The following RNGTT variants were observed in gnomAD, a reference collection of about 807,000 sequenced individuals.
The protein encoded by RNGTT is RNA guanylyltransferase and 5'-phosphatase, also known as mRNA-capping enzyme.
A neutral mutation model predicts 79.3 loss-of-function variants in RNGTT; 33 were observed. The ratio of observed to expected loss-of-function variants is 0.42; its 90% CI spans 0.32 to 0.56. The LOEUF (loss-of-function observed/expected upper bound fraction) is 0.56. Among genes scored for constraint, RNGTT ranks in the 20% least tolerant of loss-of-function variants. The pLI, the probability that RNGTT is intolerant of heterozygous loss-of-function variation, is 0.17. For missense variants in RNGTT, 497 were observed against 739.1 expected (o/e 0.67, Z 3.80); for synonymous variants, 222 against 235.9 (o/e 0.94, Z 0.54).
chr6:88,707,747 A>G (rs925780541), intron 13 of RNGTT, among the ~76,000 whole-genome samples: 1 of 149,510 alleles, frequency 6.7e-6, no homozygotes, highest in African/African-American at 2.5e-5. Flanking sequence ...AAAAAGGCAA[A>G]CTGTAAAAAA....
intron 1 of RNGTT, among the ~76,000 whole-genome samples, chr6:88,959,931 A>G (rs1041605891): frequency 2.6e-5 from 4 of 152,306 alleles, no homozygotes; most frequent in African/African-American, 7.2e-5. Context: ...ATCCTATCCT[A>G]ACAGAAACTT....
At chr6:88,912,395 T>G (rs1465231162) in intron 4 of RNGTT, among the ~76,000 whole-genome samples, 1 of 151,810 alleles carries the variant, frequency 6.6e-6, no homozygotes, top group Non-Finnish European at 1.5e-5. Context: ...GCTGACAGAG[T>G]GAGACCCTGC....
chr6:88,696,981 C>T (rs1775698345), intron 13 of RNGTT, among the ~76,000 whole-genome samples: 1 of 152,096 alleles, frequency 6.6e-6, no homozygotes, highest in South Asian at 2.1e-4. Context: ...CCAATAATAG[C>T]TATGATCAAT....
intron 6 of RNGTT, among the ~76,000 whole-genome samples, chr6:88,903,926 T>A (rs550274833): frequency 1.5e-3 from 233 of 152,310 alleles, no homozygotes; most frequent in Middle Eastern, 6.8e-3. Flanking sequence ...CTCCTCATAT[T>A]TATGGTTAGC....
chr6:88,785,969 T>G (rs1278883845), intron 12 of RNGTT, among the ~76,000 whole-genome samples: 1 of 152,078 alleles, frequency 6.6e-6, no homozygotes, highest in East Asian at 1.9e-4. Context: ...GATGAAAACA[T>G]TAAAAAACAA....
At chr6:88,873,332 A>T (rs1005147057) in intron 8 of RNGTT, among the ~76,000 whole-genome samples, 5 of 152,210 alleles carry the variant, frequency 3.3e-5, no homozygotes, top group Admixed American at 2.0e-4. Context: ...TATGCTTTTA[A>T]CTAGTATTCT....
At chr6:88,771,315 G>GTGTGTATA (rs1303688973) in intron 12 of RNGTT, among the ~76,000 whole-genome samples, 1,001 of 61,718 alleles carry the variant, frequency 0.016, 8 homozygotes, top group African/African-American at 0.018. Context: ...GTGTGTGTGT[G>GTGTGTATA]TATATATATA....
Position 88,841,232 on chromosome 6 carries a change from G to A in RNGTT, c.1269+3125C>T, listed in dbSNP as rs73498439. 3.9e-3 allele frequency among the ~76,000 whole-genome samples: 596 copies of A among 152,216 alleles called. 4 individuals carry two copies. The highest frequency in any genetic ancestry group is 0.014 in the African/African-American group (573 of 41,534). ...CACAAAAGGCAAGCAGTGAACAGTC[G>A]AAAGATCATAGCGGCAGAGGTCAAC... On this transcript the variant is annotated intron_variant, in intron 11 of 15. Transcript: ENST00000369485.
chr6:88,697,936 T>C (rs1362641654), intron 13 of RNGTT, among the ~76,000 whole-genome samples: 1 of 120,216 alleles, frequency 8.3e-6, no homozygotes, highest in Non-Finnish European at 1.6e-5. Flanking sequence ...ATGATATATA[T>C]ATGAAATACA....
chr6:88,792,662 T>G (rs897538080), intron 12 of RNGTT, among the ~76,000 whole-genome samples: 16 of 152,178 alleles, frequency 1.1e-4, no homozygotes, highest in African/African-American at 3.6e-4. Flanking sequence ...AGTACAGGTT[T>G]AATCTGGGGC....
At chr6:88,898,690 A>G (rs1344861947) in intron 6 of RNGTT, among the ~76,000 whole-genome samples, 2 of 150,346 alleles carry the variant, frequency 1.3e-5, no homozygotes, top group African/African-American at 4.9e-5. Context: ...TATATATTAT[A>G]TATATGTATC....
At chr6:88,655,164 A>G (rs1773929768) in intron 14 of RNGTT, among the ~76,000 whole-genome samples, 5 of 152,224 alleles carry the variant, frequency 3.3e-5, no homozygotes. Context: ...TAGGTTTCCT[A>G]GCATATTTCA....
chr6:88,941,338 G>A (rs1454696009), intron 1 of RNGTT, among the ~76,000 whole-genome samples, 158 bp from the exon 2 acceptor site: 1 of 152,118 alleles, frequency 6.6e-6, no homozygotes, highest in South Asian at 2.1e-4. Context: ...TGCAATCTCA[G>A]CTCATTGAAA....
At chr6:88,857,205 ATAAT>A (rs993922856) in intron 8 of RNGTT, among the ~76,000 whole-genome samples, 13 of 152,168 alleles carry the variant, frequency 8.5e-5, no homozygotes, top group African/African-American at 2.9e-4. Flanking sequence ...TAGGAAGTAC[ATAAT>A]TAAAGAGAAG....
At chr6:88,934,719 C>T (rs938548645) in intron 2 of RNGTT, among the ~76,000 whole-genome samples, 1 of 152,144 alleles carries the variant, frequency 6.6e-6, no homozygotes, top group Admixed American at 6.6e-5. Context: ...TGAATCACTG[C>T]AGCCTTGACC....
chr6:88,812,344 C>T (rs1421088949), intron 11 of RNGTT, among the ~76,000 whole-genome samples: 2 of 152,136 alleles, frequency 1.3e-5, no homozygotes, highest in African/African-American at 4.8e-5. Context: ...ATTTTGGTTG[C>T]CGTTAGTCTT....
At chr6:88,833,001 G>A (rs1279545852) in intron 11 of RNGTT, among the ~76,000 whole-genome samples, 9 of 152,166 alleles carry the variant, frequency 5.9e-5, no homozygotes, top group African/African-American at 2.2e-4. Flanking sequence ...TTCCATCATT[G>A]TGGAAGACAG....
intron 1 of RNGTT, among the ~76,000 whole-genome samples, chr6:88,948,476 C>T (rs1386936996): frequency 5.8e-5 from 8 of 137,426 alleles, no homozygotes; most frequent in African/African-American, 1.4e-4. Flanking sequence ...CCGCCCCGTC[C>T]GGGAGGGAGG....
intron 8 of RNGTT, 123 bp from the exon 9 acceptor site, chr6:88,853,887 C>A: frequency 2.0e-6 from 1 of 512,382 alleles, no homozygotes. Flanking sequence ...ACTGGAGTCT[C>A]TTTATCATGT....
Sources: allele counts gnomAD v4.1 joint callset (sites outside exome capture counted in the v4.1 genomes callset), GRCh38; gene constraint gnomAD v4.1.1; transcripts MANE v1.5; gene names NCBI Gene and HGNC (gene_info 2026-07-23, HGNC 2026-07-21).